The following SYNE2 variants were observed in gnomAD, a reference collection of about 807,000 sequenced individuals.
The protein encoded by SYNE2 is spectrin repeat containing nuclear envelope protein 2.
Under a neutral mutation model 856.3 loss-of-function variants are expected in SYNE2, and 431 were observed. The observed-to-expected ratio is 0.50, with a 90% confidence interval of 0.47 to 0.55. The LOEUF is 0.55. SYNE2 is among the 20% of genes least tolerant of loss of function. The pLI, the probability that SYNE2 is intolerant of heterozygous loss-of-function variation, is 0.00. For missense variants in SYNE2, 8,129 were observed against 8,023.2 expected (o/e 1.01, Z -0.50); for synonymous variants, 2,923 against 2,872.3 (o/e 1.02, Z -0.56).
chr14:63,974,912 ATATATG>A lies in SYNE2; in HGVS notation c.1129-1647_1129-1642del, dbSNP rs2096528867. ...TGTGTGTATATATATATATATATAT[ATATATG>A]TATCTTGAGACAGGGTCTCACTCTG... On this transcript the variant is annotated intron_variant, in intron 11 of 115. Coordinates refer to ENST00000555002, the MANE Select transcript of SYNE2 (RefSeq NM_182914.3). Among the ~76,000 whole-genome samples the A allele has an allele frequency of 2.9e-4, 16 of 54,800 alleles. No homozygotes were observed. The South Asian group carries it at 8.8e-3, about 30-fold the overall frequency. The allele number at this position is 54,800 out of a possible 152,430, so 36.0% of individuals were successfully genotyped here.
chr14:63,767,785 G>A (rs905527451), intron 1 of SYNE2, among the ~76,000 whole-genome samples: 3 of 152,120 alleles, frequency 2.0e-5, no homozygotes, highest in African/African-American at 7.2e-5. Context: ...GTAGTGATTA[G>A]TGTCCATTTG....
At chr14:63,897,298 T>C (rs2095268283) in intron 1 of SYNE2, among the ~76,000 whole-genome samples, 1 of 152,128 alleles carries the variant, frequency 6.6e-6, no homozygotes, top group Admixed American at 6.6e-5. Context: ...AAAGGACATA[T>C]GACTTCATAG....
At chr14:64,017,145 C>T (rs548131615) in intron 33 of SYNE2, among the ~76,000 whole-genome samples, 4 of 151,918 alleles carry the variant, frequency 2.6e-5, no homozygotes, top group African/African-American at 9.7e-5. Flanking sequence ...GCCTGGCCAA[C>T]ATGGTGAATC....
chr14:64,056,188 A>G lies in SYNE2; in HGVS notation c.9989A>G (p.Gln3330Arg), dbSNP rs2097267095. The G allele has an allele frequency of 3.7e-6, 6 of 1,614,086 alleles. No homozygotes were observed. The highest frequency in any genetic ancestry group is 4.2e-6 in the Non-Finnish European group (5 of 1,180,034). The change falls in exon 49 of 116, where the codon CAG becomes CGG. Residue 3330 changes from glutamine (Q) to arginine (R), a missense_variant. This residue lies in a region of SYNE2 where 5,410 missense variants were observed against 5,284.8 expected (regional missense o/e 1.02). Transcript: ENST00000555002. ...ISSPEAKLQL[Q>R]YTLQELVSKN... ...AGCCCCGAAGCCAAACTACAACTTCAGTATACTTTACAGGAACTAGTTTCT... is the reference window on the plus strand; with the variant it reads ...AGCCCCGAAGCCAAACTACAACTTCGGTATACTTTACAGGAACTAGTTTCT...
intron 1 of SYNE2, among the ~76,000 whole-genome samples, chr14:63,838,967 C>A (rs776768257): frequency 6.6e-6 from 1 of 152,074 alleles, no homozygotes; most frequent in Non-Finnish European, 1.5e-5. Context: ...CTTATGGTTC[C>A]AGTAGAGGCA....
At chr14:63,769,315 C>T (rs575670260) in intron 1 of SYNE2, among the ~76,000 whole-genome samples, 11 of 152,236 alleles carry the variant, frequency 7.2e-5, no homozygotes, top group African/African-American at 2.6e-4. Flanking sequence ...TGGCTCATGC[C>T]TGTAATCCCA....
intron 1 of SYNE2, among the ~76,000 whole-genome samples, chr14:63,891,458 T>C (rs531221816): frequency 1.3e-5 from 2 of 152,250 alleles, no homozygotes; most frequent in Non-Finnish European, 2.9e-5. Context: ...TCTTCATTGA[T>C]GGGAATTGTT....
chr14:63,960,091 G>T (rs971971044), intron 8 of SYNE2, among the ~76,000 whole-genome samples: 9 of 152,056 alleles, frequency 5.9e-5, no homozygotes, highest in African/African-American at 1.7e-4. Context: ...GTGTGGCTTC[G>T]TATATAATAA....
intron 57 of SYNE2, among the ~76,000 whole-genome samples, chr14:64,083,806 A>G (rs1307724757): frequency 1.3e-5 from 2 of 152,234 alleles, no homozygotes; most frequent in Non-Finnish European, 2.9e-5. Flanking sequence ...ATACCCTTCT[A>G]CCTGGATTGC....
intron 99 of SYNE2, among the ~76,000 whole-genome samples, chr14:64,199,068 G>A (rs1346875962): frequency 1.3e-5 from 2 of 152,166 alleles, no homozygotes; most frequent in African/African-American, 2.4e-5. Context: ...AATCATGGAG[G>A]GGAAACGTGG....
intron 106 of SYNE2, 152 bp downstream of exon 106, chr14:64,214,622 T>A: frequency 1.4e-6 from 1 of 715,726 alleles, no homozygotes; most frequent in East Asian, 2.7e-5. Flanking sequence ...GCCCATCTCT[T>A]AACTTACCTG....
chr14:64,036,199 TAAA>T (rs61627778), intron 45 of SYNE2, among the ~76,000 whole-genome samples: 1 of 143,932 alleles, frequency 6.9e-6, no homozygotes. Context: ...CTTTTTTACT[TAAA>T]AAAAAAAAAA....
chr14:64,030,920 T>C, intron 44 of SYNE2, 96 bp from the exon 45 acceptor site: 1 of 976,002 alleles, frequency 1.0e-6, no homozygotes, highest in South Asian at 1.4e-5. Flanking sequence ...TTTAAATATT[T>C]CTACTGGTGA....
intron 63 of SYNE2, among the ~76,000 whole-genome samples, chr14:64,101,616 A>AC (rs2097730431): frequency 6.6e-6 from 1 of 152,086 alleles, no homozygotes; most frequent in South Asian, 2.1e-4. Flanking sequence ...CCTCAAAGAT[A>AC]CCATTTAAGG....
chr14:64,080,044 C>CGTGTGT (rs112076744), intron 55 of SYNE2, among the ~76,000 whole-genome samples: 73 of 150,406 alleles, frequency 4.9e-4, no homozygotes, highest in African/African-American at 1.6e-3. Flanking sequence ...ATTAAGAGAG[C>CGTGTGT]GTGTGTGTGT....
chr14:64,060,299 G>C (rs992734278), intron 49 of SYNE2, among the ~76,000 whole-genome samples: 1 of 152,122 alleles, frequency 6.6e-6, no homozygotes, highest in Non-Finnish European at 1.5e-5. Context: ...AAGGCCCACA[G>C]TGTGTACTAC....
chr14:63,884,983 T>G lies in SYNE2; in HGVS notation c.-51-24115T>G, dbSNP rs1337550596. On this transcript the variant is annotated intron_variant, in intron 1 of 115. Transcript: ENST00000555002. ...GCAGAGAAGTAGCCAGAGCAATAGT[T>G]TTCAGAGCTTAATGTGGTGGATGCT... Among the ~76,000 whole-genome samples, 3 of 152,210 alleles carry G rather than the reference T, an allele frequency of 2.0e-5. No homozygotes were observed. In the East Asian group the frequency reaches 5.8e-4, roughly 29 times the overall value.
intron 45 of SYNE2, 92 bp downstream of exon 45, chr14:64,031,449 A>T: frequency 9.1e-7 from 1 of 1,102,572 alleles, no homozygotes; most frequent in South Asian, 1.3e-5. Flanking sequence ...AAGCATTCTG[A>T]TTTCATAATT....
At chr14:63,832,409 G>A (rs1889705183) in intron 1 of SYNE2, among the ~76,000 whole-genome samples, 1 of 151,892 alleles carries the variant, frequency 6.6e-6, no homozygotes, top group Non-Finnish European at 1.5e-5. Flanking sequence ...CCAAAGTGCT[G>A]GGATTACAGG....
Sources: gnomAD v4.1 joint callset for allele counts (sites outside exome capture counted in the v4.1 genomes callset) on GRCh38, gnomAD v4.1.1 for gene constraint, gnomAD v4.1.1 regional missense constraint, MANE v1.5 for transcripts, NCBI Gene and HGNC (gene_info 2026-07-23, HGNC 2026-07-21) for gene names.